The following SLC30A10 variants were observed in gnomAD, a reference collection of about 807,000 sequenced individuals.
SLC30A10 encodes the protein solute carrier family 30 member 10.
SLC30A10 carries 8 observed loss-of-function variants against 21.7 expected under a neutral mutation model. That is an observed-to-expected ratio of 0.37 (90% confidence interval 0.22 to 0.67). SLC30A10 has a LOEUF of 0.67. Among genes scored for constraint, SLC30A10 ranks in the 30% least tolerant of loss-of-function variants. The pLI is 0.58. For missense variants in SLC30A10, 521 were observed against 642.5 expected (o/e 0.81, Z 2.04); for synonymous variants, 272 against 279.4 (o/e 0.97, Z 0.26).
rs1227194079 is a variant in SLC30A10, at chr1:219,912,402, T to C, written c.*3047A>G. ...AAAATGAAACAGACAGTATTTCCTA[T>C]GGCCAATGCTAAAATAATGTGGAAA... On this transcript the variant is annotated 3_prime_UTR_variant, in exon 4 of 4. Transcript: ENST00000366926. 1.3e-5 allele frequency among the ~76,000 whole-genome samples: 2 copies of C among 152,112 alleles called. No individual in the cohort carries two copies. The highest frequency in any genetic ancestry group is 4.8e-5 in the African/African-American group (2 of 41,430).
chr1:219,942,620 A>ATTTACAAG (rs1558259424), intron 1 of SLC30A10, among the ~76,000 whole-genome samples: 1 of 152,250 alleles, frequency 6.6e-6, no homozygotes, highest in Non-Finnish European at 1.5e-5. Context: ...TTTTTTAAGT[A>ATTTACAAG]TTTACAAGTT....
intron 2 of SLC30A10, among the ~76,000 whole-genome samples, chr1:219,922,169 T>G (rs933565905): frequency 3.9e-5 from 2 of 51,648 alleles, no homozygotes; most frequent in African/African-American, 1.0e-4. Context: ...TGTGTGTGTG[T>G]GTGTGTGTTT....
chr1:219,953,601 T>G (rs1660302851), intron 1 of SLC30A10, among the ~76,000 whole-genome samples: 1 of 149,898 alleles, frequency 6.7e-6, no homozygotes, highest in Non-Finnish European at 1.5e-5. Context: ...AGACTCCGTC[T>G]CAAAAAAAAA....
At chr1:219,941,920 C>T (rs1187849429) in intron 1 of SLC30A10, among the ~76,000 whole-genome samples, 1 of 152,228 alleles carries the variant, frequency 6.6e-6, no homozygotes, top group African/African-American at 2.4e-5. Context: ...GTTGTGAAAG[C>T]TCTGCCAGTG....
At chr1:219,937,302 C>T (rs1660059596) in intron 1 of SLC30A10, among the ~76,000 whole-genome samples, 1 of 152,150 alleles carries the variant, frequency 6.6e-6, no homozygotes, top group South Asian at 2.1e-4. Flanking sequence ...AGCAACTTCT[C>T]CAGAATGTAT....
rs1442823565 is a variant in SLC30A10, at chr1:219,928,084, G to A, written c.357C>T (p.Val119=). The A allele has an allele frequency of 3.2e-6, 5 of 1,587,104 alleles. No individual in the cohort carries two copies. Among genetic ancestry groups the A allele is most frequent in the Non-Finnish European group, 4.3e-6 (5 of 1,168,028 alleles). ...CGTTGACCAACAGCCCCAGGACGCC[G>A]ACGATGAGCACCAGCTCGGGGTCAT... ...RIDDPELVLI[V]GVLGLLVNVV... is the part of the protein sequence containing the mutation. Residue 119 remains valine (V), a synonymous_variant, in exon 1 of 4, where the codon GTC becomes GTT. Transcript: ENST00000366926. The surrounding 1 kb of genome is among the most constrained non-coding windows in gnomAD (Gnocchi z 6.3).
At chr1:219,925,653 T>TATATATATATATATATATA (rs1558253395) in intron 2 of SLC30A10, among the ~76,000 whole-genome samples, 37 of 46,124 alleles carry the variant, frequency 8.0e-4, no homozygotes, top group Admixed American at 1.5e-3. Context: ...ATATATATAT[T>TATATATATATATATATATA]TTTTTTTTTT....
rs1419298802 is a variant in SLC30A10 at position 219,911,697 on chromosome 1, AATATGTTTTTAAAG to A, written c.*3738_*3751del. Among the ~76,000 whole-genome samples the A allele has an allele frequency of 1.3e-5, 2 of 152,190 alleles. No homozygotes were observed. Among genetic ancestry groups the A allele is most frequent in the Non-Finnish European group, 2.9e-5 (2 of 68,038 alleles). Reference sequence around the variant, plus strand: ...TGAATAGGCTGGTCTTGCCTTTAAAAATATGTTTTTAAAGAGCAAATTCTGCAGAATTAATTATT... The same window carrying A: ...TGAATAGGCTGGTCTTGCCTTTAAAAAGCAAATTCTGCAGAATTAATTATT... On this transcript the variant is annotated 3_prime_UTR_variant, in exon 4 of 4. Coordinates refer to ENST00000366926, the MANE Select transcript of SLC30A10 (RefSeq NM_018713.3).
At position 219,918,647 on chromosome 1, in the gene SLC30A10, G is replaced by A. The variant is rs1251342768; in HGVS notation, c.719-153C>T. On this transcript the variant is annotated intron_variant, in intron 2 of 3. Transcript: ENST00000366926. The surrounding 1 kb of genome is among the most constrained non-coding windows in gnomAD (Gnocchi z 4.4). Reference sequence around the variant, plus strand: ...GAACAGTAGGATGAATCAAAATAATGGCAACTACTTCTTAGGAAACAAAAC... The same window carrying A: ...GAACAGTAGGATGAATCAAAATAATAGCAACTACTTCTTAGGAAACAAAAC... 6.9e-6 allele frequency: 6 copies of A among 873,548 alleles called. No homozygotes were observed. The highest frequency in any genetic ancestry group is 9.9e-6 in the Non-Finnish European group (6 of 605,294). The allele number at this position is 873,548 out of a possible 1,614,324, so 54.1% of individuals were successfully genotyped here. A position where few individuals can be genotyped will look rare whatever the true frequency, so the allele number is the denominator to read the frequency against.
rs1300272785 is a variant in SLC30A10 at position 219,912,636 on chromosome 1, C to T, written c.*2813G>A. Reference sequence around the variant, plus strand: ...GATCACAAGGTCAGGAGATCGAGACCATCCTGGCTAACATGGTGAAACCCG... The same window carrying T: ...GATCACAAGGTCAGGAGATCGAGACTATCCTGGCTAACATGGTGAAACCCG... On this transcript the variant is annotated 3_prime_UTR_variant, in exon 4 of 4. Coordinates refer to ENST00000366926, the MANE Select transcript of SLC30A10 (RefSeq NM_018713.3). 6.6e-6 allele frequency among the ~76,000 whole-genome samples: 1 copy of T among 152,228 alleles called. No homozygotes were observed. The highest frequency in any genetic ancestry group is 2.1e-4 in the South Asian group (1 of 4,816).
chr1:219,928,538 C>A lies in SLC30A10; in HGVS notation c.-98G>T. On this transcript the variant is annotated 5_prime_UTR_variant, in exon 1 of 4. Coordinates refer to ENST00000366926, the MANE Select transcript of SLC30A10 (RefSeq NM_018713.3). This position sits in a 1 kb window ranked among gnomAD's most constrained non-coding sequence, Gnocchi z 6.3. ...GGGCGCGGCGCGGATCCGTGAGGCCCGGTACCCGCCTCCCAGATTGTCTCG... is the reference window on the plus strand; with the variant it reads ...GGGCGCGGCGCGGATCCGTGAGGCCAGGTACCCGCCTCCCAGATTGTCTCG... The A allele has an allele frequency of 8.8e-7, 1 of 1,141,494 alleles. No individual in the cohort carries two copies. Among genetic ancestry groups the A allele is most frequent in the Non-Finnish European group, 1.2e-6 (1 of 861,702 alleles). The allele number at this position is 1,141,494 out of a possible 1,614,324, so 70.7% of individuals were successfully genotyped here.
chr1:219,942,420 A>G (rs538924357), intron 1 of SLC30A10, among the ~76,000 whole-genome samples: 2 of 152,338 alleles, frequency 1.3e-5, no homozygotes, highest in South Asian at 4.1e-4. Flanking sequence ...AATGAAATGA[A>G]CAATCAAATA....
At chr1:219,922,181 T>TTTTTTTTTTG (rs1659707846) in intron 2 of SLC30A10, among the ~76,000 whole-genome samples, 1 of 6,208 alleles carries the variant, frequency 1.6e-4, no homozygotes, top group Non-Finnish European at 3.9e-4. Flanking sequence ...TGTGTGTTTT[T>TTTTTTTTTTG]TTTTTTTTTT....
intron 1 of SLC30A10, among the ~76,000 whole-genome samples, chr1:219,934,057 G>A (rs1233055982): frequency 6.6e-6 from 1 of 152,190 alleles, no homozygotes; most frequent in Non-Finnish European, 1.5e-5. Flanking sequence ...GGAAGGCCGA[G>A]GCGGGTGGAT....
chr1:219,921,190 C>A (rs911459814), intron 2 of SLC30A10, among the ~76,000 whole-genome samples: 2 of 152,182 alleles, frequency 1.3e-5, no homozygotes, highest in African/African-American at 2.4e-5. Flanking sequence ...AACTTTGGAA[C>A]CCTATCCCCA....
chr1:219,914,660 T>C lies in SLC30A10; in HGVS notation c.*789A>G, dbSNP rs1344152409. The C allele has an allele frequency of 6.6e-6, 1 of 152,216 alleles. No individual in the cohort carries two copies. Among genetic ancestry groups the C allele is most frequent in the African/African-American group, 2.4e-5 (1 of 41,464 alleles). 9.4% of individuals were successfully genotyped at this position (152,216 alleles called of 1,614,324 possible). On this transcript the variant is annotated 3_prime_UTR_variant, in exon 4 of 4. Transcript: ENST00000366926. ...AGCACTAAATGAAAACAGCTCCAAC[T>C]ATACTGACTCTAAAAGACAGTATAT...
chr1:219,918,097 T>C lies in SLC30A10; in HGVS notation c.958+158A>G, dbSNP rs557224337. ...CTTTGGTACTTGGAGCTGAGTCATC[T>C]TAATAGGCTATAAAACATATGATGA... On this transcript the variant is annotated intron_variant, in intron 3 of 3. Coordinates refer to ENST00000366926, the MANE Select transcript of SLC30A10 (RefSeq NM_018713.3). The surrounding 1 kb of genome is among the most constrained non-coding windows in gnomAD (Gnocchi z 4.4). Among the ~76,000 whole-genome samples, 1 of 152,286 alleles carries C rather than the reference T, an allele frequency of 6.6e-6. No homozygotes were observed. The highest frequency in any genetic ancestry group is 1.9e-4 in the East Asian group (1 of 5,188).
intron 1 of SLC30A10, among the ~76,000 whole-genome samples, chr1:219,947,315 G>A (rs1330676291): frequency 6.6e-6 from 1 of 152,130 alleles, no homozygotes; most frequent in African/African-American, 2.4e-5. Flanking sequence ...GATTGCTTGA[G>A]GGCAGGAGTT....
At chr1:219,929,216 C>T (rs562052366), upstream of SLC30A10, among the ~76,000 whole-genome samples, 1 of 152,330 alleles carries the variant, frequency 6.6e-6, no homozygotes, top group Admixed American at 6.5e-5. Context: ...GGCACAAGAT[C>T]GTCCCCGTTC....
Sources: allele counts gnomAD v4.1 joint callset (sites outside exome capture counted in the v4.1 genomes callset), GRCh38; gene constraint gnomAD v4.1.1; non-coding constraint Gnocchi (gnomAD v3.1); transcripts MANE v1.5; gene names NCBI Gene and HGNC (gene_info 2026-07-23, HGNC 2026-07-21).